GGA1: variants seen among roughly 807,000 people sequenced by gnomAD.
GGA1 encodes the protein ADP-ribosylation factor-binding protein GGA1.
GGA1 carries 18 observed loss-of-function variants against 76.9 expected under a neutral mutation model. The ratio of observed to expected loss-of-function variants is 0.23; its 90% confidence interval spans 0.16 to 0.35. The LOEUF is 0.35. GGA1 is among the 10% of genes least tolerant of loss of function. The pLI, the probability that GGA1 is intolerant of heterozygous loss-of-function variation, is 1.00. For synonymous variants in GGA1, 342 were observed against 354.7 expected (o/e 0.96, Z 0.40); for missense variants, 755 against 859.0 (o/e 0.88, Z 1.51).
chr22:37,613,649 T>A (rs938484819), intron 1 of GGA1, among the ~76,000 whole-genome samples: 1 of 152,010 alleles, frequency 6.6e-6, no homozygotes, highest in African/African-American at 2.4e-5. Context: ...TCCACCCACC[T>A]CAGCCTCCCA....
intron 1 of GGA1, among the ~76,000 whole-genome samples, chr22:37,611,249 C>T (rs917219317): frequency 2.6e-5 from 4 of 152,102 alleles, no homozygotes; most frequent in Non-Finnish European, 4.4e-5. Flanking sequence ...TCTTGTGGAG[C>T]TCCTGGGACA....
Position 37,632,290 on chromosome 22 carries a change from ACCAGAAGGACTGAGCC to A in GGA1, c.1699-110_1699-95del. 1 of 1,294,810 alleles carries A rather than the reference ACCAGAAGGACTGAGCC, an allele frequency of 7.7e-7. No homozygotes were observed. The allele number at this position is 1,294,810 out of a possible 1,614,324, so 80.2% of individuals were successfully genotyped here. On this transcript the variant is annotated intron_variant, in intron 15 of 16. Coordinates refer to ENST00000343632, the MANE Select transcript of GGA1 (RefSeq NM_013365.5). This position sits in a 1 kb window ranked among gnomAD's most constrained non-coding sequence, Gnocchi z 5.1. Reference sequence around the variant, plus strand: ...TTGCTGGGTGGTTGGTGTAGAAGGGACCAGAAGGACTGAGCCCCAGGATCCCCGGAGGGGAGCTGGC... The same window carrying A: ...TTGCTGGGTGGTTGGTGTAGAAGGGACCAGGATCCCCGGAGGGGAGCTGGC...
Position 37,617,624 on chromosome 22 carries a change from AG to A in GGA1, c.204+629del. On this transcript the variant is annotated intron_variant, in intron 3 of 16. Transcript: ENST00000343632. ...CAAGGCAGGAGGCTTGCTTGAGGCA[AG>A]GAGTTCAAGGCTACAGTGAGCTATG... 5 of 761,108 alleles carry A rather than the reference AG, an allele frequency of 6.6e-6. No individual in the cohort carries two copies. In the South Asian group the frequency reaches 3.0e-4, roughly 45 times the overall value. 47.1% of individuals were successfully genotyped at this position (761,108 alleles called of 1,614,324 possible). A position where few individuals can be genotyped will look rare whatever the true frequency, so the allele number is the denominator to read the frequency against.
At position 37,626,020 on chromosome 22, in the gene GGA1, AC is replaced by A. The variant is rs551277566; in HGVS notation, c.1093+72del. ...TGGGGCATGATCCCAGGGCCCACTC[AC>A]AGCTAGCGGAACCACGTACCCCAGG... On this transcript the variant is annotated intron_variant, in intron 11 of 16. Coordinates refer to ENST00000343632, the MANE Select transcript of GGA1 (RefSeq NM_013365.5). The A allele has an allele frequency of 5.0e-5, 65 of 1,293,870 alleles. 2 individuals are homozygous for A. In the South Asian group the frequency reaches 9.5e-4, roughly 19 times the overall value. 80.1% of individuals were successfully genotyped at this position (1,293,870 alleles called of 1,614,324 possible).
intron 3 of GGA1, chr22:37,618,058 G>A (rs185795748): frequency 4.1e-4 from 64 of 155,218 alleles, no homozygotes; most frequent in East Asian, 3.9e-3. Flanking sequence ...GGAGGCAGAG[G>A]TTACAGTGAG....
chr22:37,618,395 C>A, intron 3 of GGA1, 53 bp from the exon 4 acceptor site: 1 of 1,097,520 alleles, frequency 9.1e-7, no homozygotes, highest in Non-Finnish European at 1.4e-6. Context: ...GGGAGGGAGG[C>A]CACGGCCTCT....
rs1200580527 is a variant in GGA1 at position 37,623,029 on chromosome 22, G to C, written c.610-298G>C. On this transcript the variant is annotated intron_variant, in intron 7 of 16. Transcript: ENST00000343632. The surrounding 1 kb of genome is among the most constrained non-coding windows in gnomAD (Gnocchi z 4.6). ...CACTGAGAACCACAGTGGAGGTCTA[G>C]GGCCCTGGGCCTTCAGAAGCACCTG... Among the ~76,000 whole-genome samples, 3 of 152,216 alleles carry C rather than the reference G, an allele frequency of 2.0e-5. No individual in the cohort carries two copies. In the South Asian group the frequency reaches 6.2e-4, roughly 32 times the overall value.
At chr22:37,618,396 C>T in intron 3 of GGA1, 52 bp from the exon 4 acceptor site, 1 of 1,116,532 alleles carries the variant, frequency 9.0e-7, no homozygotes, top group Non-Finnish European at 1.4e-6. Context: ...GGAGGGAGGC[C>T]ACGGCCTCTG....
At chr22:37,618,178 G>T in intron 3 of GGA1, 1 of 371,540 alleles carries the variant, frequency 2.7e-6, no homozygotes, top group East Asian at 4.0e-5. Flanking sequence ...TTGGTACTCA[G>T]ATGTGGGGCC....
In GGA1 at chr22:37,632,372, G is replaced by A. The variant is rs1448297921; in HGVS notation, c.1699-33G>A. ...CCTCAGAGCAGGACAAGCAGCCAGG[G>A]CTAGCTGTGCCCATCCTGCCATCTG... On this transcript the variant is annotated intron_variant, in intron 15 of 16. Transcript: ENST00000343632. This position sits in a 1 kb window ranked among gnomAD's most constrained non-coding sequence, Gnocchi z 5.1. The A allele has an allele frequency of 1.3e-6, 2 of 1,487,038 alleles. No individual in the cohort carries two copies. Among genetic ancestry groups the A allele is most frequent in the African/African-American group, 1.4e-5 (1 of 72,422 alleles). 92.1% of individuals were successfully genotyped at this position (1,487,038 alleles called of 1,614,324 possible). A position where few individuals can be genotyped will look rare whatever the true frequency, so the allele number is the denominator to read the frequency against.
In GGA1 at chr22:37,632,868, C is replaced by A; in HGVS notation, c.*157C>A. The A allele has an allele frequency of 1.6e-6, 1 of 607,220 alleles. No individual in the cohort carries two copies. Among genetic ancestry groups the A allele is most frequent in the Non-Finnish European group, 3.0e-6 (1 of 336,386 alleles). The allele number at this position is 607,220 out of a possible 1,614,324, so 37.6% of individuals were successfully genotyped here. A position where few individuals can be genotyped will look rare whatever the true frequency, so the allele number is the denominator to read the frequency against. On this transcript the variant is annotated 3_prime_UTR_variant, in exon 17 of 17. Coordinates refer to ENST00000343632, the MANE Select transcript of GGA1 (RefSeq NM_013365.5). The surrounding 1 kb of genome is among the most constrained non-coding windows in gnomAD (Gnocchi z 5.1). ...CCCCTGTAGGCCTCAAGTGACTCTT[C>A]CCCCTCCTGCTCCGGCCCCGCCCCT... is the stretch of plus-strand genomic sequence containing the variant.
At chr22:37,617,827 A>T in intron 3 of GGA1, 33 of 933,086 alleles carry the variant, frequency 3.5e-5, no homozygotes, top group Non-Finnish European at 4.2e-5. Context: ...GGTTTTTTTA[A>T]AAAAGGAAAA....
chr22:37,632,139 ATCGTG>A lies in GGA1; in HGVS notation c.1674_1678del (p.Val559ProfsTer24). On this transcript the variant is annotated frameshift_variant, in exon 15 of 17. Transcript: ENST00000343632. LOFTEE classifies it high-confidence loss of function. The surrounding 1 kb of genome is among the most constrained non-coding windows in gnomAD (Gnocchi z 5.1). ...CACCGCCCCCCAGCCCATCCGCAAC[ATCGTG>A]TTCCAGTCAGCTGTCCCCAAGGTGA... is the stretch of plus-strand genomic sequence containing the variant. 6.2e-7 allele frequency: 1 copy of A among 1,613,218 alleles called. No individual in the cohort carries two copies. The highest frequency in any genetic ancestry group is 8.5e-7 in the Non-Finnish European group (1 of 1,179,560).
chr22:37,631,970 C>A, intron 14 of GGA1, 26 bp from the exon 15 acceptor site: 1 of 1,584,918 alleles, frequency 6.3e-7, no homozygotes, highest in Non-Finnish European at 8.6e-7. Context: ...TCAGCTGTCC[C>A]ATCGCCCTCC....
chr22:37,609,320 C>T (rs1198159880), intron 1 of GGA1: 1 of 1,109,900 alleles, frequency 9.0e-7, no homozygotes, highest in Non-Finnish European at 1.1e-6. Flanking sequence ...GCCCCGAATC[C>T]TCCACTCTCT....
intron 1 of GGA1, 174 bp downstream of exon 1, chr22:37,609,077 G>C (rs1359581345): frequency 8.1e-6 from 12 of 1,489,350 alleles, no homozygotes; most frequent in Non-Finnish European, 1.1e-5. Context: ...GGAGGACCCC[G>C]GCCCCGGCGC....
At chr22:37,613,156 C>G in intron 1 of GGA1, 2 of 985,350 alleles carry the variant, frequency 2.0e-6, no homozygotes, top group South Asian at 9.4e-5. Flanking sequence ...GGAGCCACTC[C>G]CAAGGGAATG....
At position 37,609,326 on chromosome 22, in the gene GGA1, T is replaced by G. The variant is rs1277889911; in HGVS notation, c.43+423T>G. ...TATTTTCAGGCCCCGAATCCTCCAC[T>G]CTCTGGCCCTGCATGGCGTTCCTGG... On this transcript the variant is annotated intron_variant, in intron 1 of 16. Coordinates refer to ENST00000343632, the MANE Select transcript of GGA1 (RefSeq NM_013365.5). 3 of 1,101,426 alleles carry G rather than the reference T, an allele frequency of 2.7e-6. No individual in the cohort carries two copies. In the African/African-American group the frequency reaches 5.2e-5, roughly 19 times the overall value. 68.2% of individuals were successfully genotyped at this position (1,101,426 alleles called of 1,614,324 possible). A position where few individuals can be genotyped will look rare whatever the true frequency, so the allele number is the denominator to read the frequency against.
rs1387830518 is a variant in GGA1, at chr22:37,632,250, G to A, written c.1698+85G>A. 5 of 1,408,340 alleles carry A rather than the reference G, an allele frequency of 3.6e-6. No homozygotes were observed. Among genetic ancestry groups the A allele is most frequent in the Non-Finnish European group, 4.0e-6 (4 of 1,009,464 alleles). The allele number at this position is 1,408,340 out of a possible 1,614,324, so 87.2% of individuals were successfully genotyped here. On this transcript the variant is annotated intron_variant, in intron 15 of 16. Transcript: ENST00000343632. The surrounding 1 kb of genome is among the most constrained non-coding windows in gnomAD (Gnocchi z 5.1). ...TGGGTGGGGAGCCACCTGTCAGGGG[G>A]CAGGTCTCCCTCCCTTGCTGGGTGG...
Sources: gnomAD v4.1 joint callset for allele counts (sites outside exome capture counted in the v4.1 genomes callset) on GRCh38, gnomAD v4.1.1 for gene constraint, Gnocchi (gnomAD v3.1) non-coding constraint, MANE v1.5 for transcripts, NCBI Gene and HGNC (gene_info 2026-07-23, HGNC 2026-07-21) for gene names.